Variants in CLEC16A observed in about 807,000 individuals in gnomAD.
The protein encoded by CLEC16A is C-type lectin domain containing 16A, also known as protein CLEC16A.
CLEC16A carries 51 observed loss-of-function variants against 109.5 expected under a neutral mutation model. That is an observed-to-expected ratio of 0.47 (90% CI 0.37 to 0.59). The LOEUF is 0.59. Among genes scored for constraint, CLEC16A ranks in the 20% least tolerant of loss-of-function variants. The probability of loss-of-function intolerance (pLI) is 0.00; values close to 1 mark genes in which losing one functional copy is unlikely to be tolerated. For missense variants in CLEC16A, 1,339 were observed against 1,394.0 expected (o/e 0.96, Z 0.63); for synonymous variants, 673 against 564.2 (o/e 1.19, Z -2.73).
rs542494438 is a variant in CLEC16A at position 10,984,964 on chromosome 16, G to A, written c.1071+1973G>A. Among the ~76,000 whole-genome samples, 30 of 152,270 alleles carry A rather than the reference G, an allele frequency of 2.0e-4. 1 individual carries two copies. The South Asian group carries it at 4.8e-3, about 24-fold the overall frequency. ...CCCCTGTAATCCCAGCACTTTGGGA[G>A]GCCGAGGCGGGCAGATCACCGGGTC... is the stretch of plus-strand genomic sequence containing the variant. On this transcript the variant is annotated intron_variant, in intron 10 of 23. Coordinates refer to ENST00000409790, the MANE Select transcript of CLEC16A (RefSeq NM_015226.3).
At chr16:10,983,673 G>A (rs1246693954) in intron 10 of CLEC16A, among the ~76,000 whole-genome samples, 2 of 152,062 alleles carry the variant, frequency 1.3e-5, no homozygotes, top group Admixed American at 1.3e-4. Context: ...TTTCCATCTT[G>A]TCCTCTGTAT....
chr16:11,161,699 G>A (rs1220799376), intron 22 of CLEC16A, among the ~76,000 whole-genome samples: 10 of 152,184 alleles, frequency 6.6e-5, no homozygotes, highest in Non-Finnish European at 7.4e-5. Context: ...CAAGAGCAGG[G>A]ACCCAGCTCT....
intron 22 of CLEC16A, among the ~76,000 whole-genome samples, chr16:11,127,465 C>G (rs1371720185): frequency 3.3e-5 from 5 of 152,092 alleles, no homozygotes; most frequent in African/African-American, 1.2e-4. Context: ...GTGAATTTGC[C>G]AAAGGGGAAG....
intron 21 of CLEC16A, among the ~76,000 whole-genome samples, chr16:11,124,621 A>T (rs977411480): frequency 1.3e-5 from 2 of 152,234 alleles, no homozygotes; most frequent in South Asian, 4.1e-4. Context: ...CAGGAAGGCA[A>T]GGCCTTCTCC....
intron 17 of CLEC16A, among the ~76,000 whole-genome samples, chr16:11,049,478 T>TTTG (rs1567244451): frequency 1.3e-5 from 2 of 150,928 alleles, no homozygotes; most frequent in African/African-American, 2.4e-5. Context: ...TCCCAGGTTT[T>TTTG]TTTGTTTGTT....
In CLEC16A at chr16:11,039,889, G is replaced by A. The variant is rs376086741; in HGVS notation, c.1660+13G>A. 4.3e-6 allele frequency: 7 copies of A among 1,610,914 alleles called. No individual in the cohort carries two copies. Among genetic ancestry groups the A allele is most frequent in the Non-Finnish European group, 5.9e-6 (7 of 1,178,684 alleles). On this transcript the variant is annotated intron_variant, in intron 14 of 23. Coordinates refer to ENST00000409790, the MANE Select transcript of CLEC16A (RefSeq NM_015226.3). ...GCTGCCCAGCCAGGTGCCCACTTGG[G>A]GTGTTGTCTGTCCACAGGGCCACGC...
chr16:11,016,981 G>A (rs1274642242), intron 11 of CLEC16A, among the ~76,000 whole-genome samples: 1 of 130,178 alleles, frequency 7.7e-6, no homozygotes, highest in Admixed American at 8.4e-5. Flanking sequence ...TAGGGCCGGG[G>A]CCCATGTGAA....
At position 11,126,473 on chromosome 16, in the gene CLEC16A, T is replaced by G. The variant is rs531410832; in HGVS notation, c.2641+327T>G. 6.8e-5 allele frequency: 78 copies of G among 1,149,806 alleles called. 1 individual carries two copies. The highest frequency in any genetic ancestry group is 8.7e-5 in the Non-Finnish European group (74 of 847,170). The allele number at this position is 1,149,806 out of a possible 1,614,324, so 71.2% of individuals were successfully genotyped here. ...GTGCTGAAGTTGTGGGAGAGTAATT[T>G]CCTTCTCCATGTAAGATGACTAGAA... is the stretch of plus-strand genomic sequence containing the variant. On this transcript the variant is annotated intron_variant, in intron 22 of 23. Transcript: ENST00000409790.
rs1479713700 is a variant in CLEC16A, at chr16:11,174,498, C to T, written c.2807-3837C>T. ...CCAGATCCCCGGCCCTTGACCTTCG[C>T]GACAGTCCTTCACCTTCGCGACAGT... On this transcript the variant is annotated intron_variant, in intron 23 of 23. Coordinates refer to ENST00000409790, the MANE Select transcript of CLEC16A (RefSeq NM_015226.3). The surrounding 1 kb of genome is among the most constrained non-coding windows in gnomAD (Gnocchi z 4.7). Among the ~76,000 whole-genome samples, 2 of 152,162 alleles carry T rather than the reference C, an allele frequency of 1.3e-5. No individual in the cohort carries two copies. Among genetic ancestry groups the T allele is most frequent in the African/African-American group, 4.8e-5 (2 of 41,440 alleles).
chr16:11,147,534 G>A (rs1356306397), intron 22 of CLEC16A, among the ~76,000 whole-genome samples: 2 of 152,206 alleles, frequency 1.3e-5, no homozygotes, highest in African/African-American at 2.4e-5. Context: ...TAAAGTGTTT[G>A]TAATCCCCTG....
intron 22 of CLEC16A, among the ~76,000 whole-genome samples, chr16:11,135,358 G>A (rs1006219145): frequency 3.3e-5 from 5 of 152,146 alleles, no homozygotes; most frequent in African/African-American, 9.7e-5. Flanking sequence ...TCCCGGATCC[G>A]GGCCTGCAAG....
intron 22 of CLEC16A, among the ~76,000 whole-genome samples, chr16:11,149,417 G>A (rs1377803033): frequency 1.3e-5 from 2 of 152,024 alleles, no homozygotes; most frequent in Non-Finnish European, 2.9e-5. Flanking sequence ...TAATATTTCT[G>A]TTTATTTTCC....
intron 16 of CLEC16A, among the ~76,000 whole-genome samples, chr16:11,046,233 A>G (rs769315760): frequency 1.3e-5 from 2 of 152,192 alleles, no homozygotes; most frequent in African/African-American, 2.4e-5. Context: ...TATTATTAAC[A>G]AAAGGAGAGC....
intron 1 of CLEC16A, among the ~76,000 whole-genome samples, chr16:10,951,630 C>T (rs139230491): frequency 1.0e-3 from 152 of 152,278 alleles, no homozygotes; most frequent in African/African-American, 3.4e-3. Flanking sequence ...TGGGATTAAA[C>T]GAAGCACTCA....
At chr16:11,083,096 G>GC (rs1206925087) in intron 19 of CLEC16A, among the ~76,000 whole-genome samples, 1 of 152,200 alleles carries the variant, frequency 6.6e-6, no homozygotes, top group African/African-American at 2.4e-5. Context: ...CCCCTCATCA[G>GC]CAGCTCACCA....
chr16:10,953,282 G>A (rs1366096581), intron 1 of CLEC16A, among the ~76,000 whole-genome samples: 1 of 152,006 alleles, frequency 6.6e-6, no homozygotes, highest in African/African-American at 2.4e-5. Context: ...GAGAAGTGAG[G>A]GCCTTTTCTG....
chr16:11,013,137 A>G (rs1379222619), intron 11 of CLEC16A, among the ~76,000 whole-genome samples: 1 of 152,230 alleles, frequency 6.6e-6, no homozygotes, highest in Admixed American at 6.5e-5. Context: ...TGGCGAGAAC[A>G]TGCAGACTCC....
chr16:11,125,938 C>T, intron 21 of CLEC16A, 41 bp from the exon 22 acceptor site: 2 of 1,094,924 alleles, frequency 1.8e-6, no homozygotes, highest in Non-Finnish European at 2.4e-6. Flanking sequence ...CCCCCTCTAT[C>T]CCACATGCTC....
At chr16:11,108,149 A>T (rs2051337524) in intron 19 of CLEC16A, among the ~76,000 whole-genome samples, 1 of 152,200 alleles carries the variant, frequency 6.6e-6, no homozygotes, top group South Asian at 2.1e-4. Flanking sequence ...TGCTGGTCTG[A>T]AGCACCATGA....
Sources: allele counts gnomAD v4.1 joint callset (sites outside exome capture counted in the v4.1 genomes callset), GRCh38; gene constraint gnomAD v4.1.1; non-coding constraint Gnocchi (gnomAD v3.1); transcripts MANE v1.5; gene names NCBI Gene and HGNC (gene_info 2026-07-23, HGNC 2026-07-21).